ERICH1: variants seen among roughly 807,000 people sequenced by gnomAD.
The protein encoded by ERICH1 is glutamate-rich protein 1.
ERICH1 carries 56 observed loss-of-function variants against 39.6 expected under a neutral mutation model. That is an observed-to-expected ratio of 1.41 (90% CI 1.14 to 1.77). The LOEUF (loss-of-function observed/expected upper bound fraction) is 1.77, where lower values mean the gene tolerates loss of function less well. Among genes scored for constraint, ERICH1 ranks in the 40% most tolerant of loss-of-function variants. ERICH1 has a pLI of 0.00. For missense variants in ERICH1, 826 were observed against 575.4 expected (o/e 1.44, Z -4.45); for synonymous variants, 313 against 223.6 (o/e 1.40, Z -3.57).
chr8:678,094 A>AT (rs1206386543), intron 3 of ERICH1, among the ~76,000 whole-genome samples: 3 of 152,228 alleles, frequency 2.0e-5, no homozygotes, highest in Admixed American at 1.3e-4. Flanking sequence ...AGTTTGTCAT[A>AT]TTTTTTTCAC....
intron 1 of ERICH1, among the ~76,000 whole-genome samples, chr8:720,855 T>C (rs1426284786): frequency 6.6e-6 from 1 of 152,200 alleles, no homozygotes; most frequent in Non-Finnish European, 1.5e-5. Flanking sequence ...TCACCGTATC[T>C]GCTCCTTCGC....
intron 3 of ERICH1, among the ~76,000 whole-genome samples, chr8:680,680 G>C (rs1459558495): frequency 6.6e-6 from 1 of 152,216 alleles, no homozygotes; most frequent in Non-Finnish European, 1.5e-5. Flanking sequence ...AAATCCAAGA[G>C]AATCCACAGC....
intron 2 of ERICH1, among the ~76,000 whole-genome samples, chr8:697,071 G>A (rs139487430): frequency 2.2e-4 from 33 of 152,290 alleles, no homozygotes; most frequent in Admixed American, 3.3e-4. Flanking sequence ...GAGGCAGCTG[G>A]CCTTACCACT....
chr8:655,466 G>T (rs973356693), intron 3 of ERICH1, among the ~76,000 whole-genome samples: 1 of 152,180 alleles, frequency 6.6e-6, no homozygotes, highest in African/African-American at 2.4e-5. Context: ...TGTGCGTTTC[G>T]TGTTCTGGAC....
rs753644726 is a variant in ERICH1, at chr8:673,749, G to A, written c.603C>T (p.Gly201=). The A allele has an allele frequency of 1.1e-5, 18 of 1,613,998 alleles. No individual in the cohort carries two copies. The highest frequency in any genetic ancestry group is 5.5e-5 in the South Asian group (5 of 91,086). ...CATCCTCCTCACAAGCCTCTCCCAC[G>A]CCTTCCCCTTCATTGCTGCTGTCCT... is the stretch of plus-strand genomic sequence containing the variant. ...QPEDSSNEGE[G]VGEACEEDGV... is the part of the protein sequence containing the mutation. The change falls in exon 4 of 6, where the codon GGC becomes GGT. Residue 201 remains glycine, a synonymous_variant. Coordinates refer to ENST00000262109, the MANE Select transcript of ERICH1 (RefSeq NM_207332.3).
At chr8:707,313 C>T (rs1215067865) in intron 2 of ERICH1, among the ~76,000 whole-genome samples, 1 of 150,776 alleles carries the variant, frequency 6.6e-6, no homozygotes, top group East Asian at 2.0e-4. Flanking sequence ...GTTCAAGCGA[C>T]TCTACTGCGT....
At chr8:618,851 T>G (rs1206682752) in intron 3 of ERICH1, among the ~76,000 whole-genome samples, 3 of 151,798 alleles carry the variant, frequency 2.0e-5, no homozygotes, top group Non-Finnish European at 2.9e-5. Flanking sequence ...TGGAGATCAG[T>G]GGTGGAAATT....
chr8:677,830 C>G (rs1410911946), intron 3 of ERICH1, among the ~76,000 whole-genome samples: 1 of 152,116 alleles, frequency 6.6e-6, no homozygotes, highest in African/African-American at 2.4e-5. Context: ...GGGGGCGACC[C>G]TCATCACCCA....
At chr8:687,826 C>G (rs1471958653) in intron 3 of ERICH1, among the ~76,000 whole-genome samples, 2 of 152,130 alleles carry the variant, frequency 1.3e-5, no homozygotes, top group Non-Finnish European at 2.9e-5. Context: ...GGGCGAGGCG[C>G]GGAGAGGCCC....
In ERICH1 at chr8:650,249, G is replaced by A. The variant is rs948402001; in HGVS notation, c.976+18349C>T. 2.6e-5 allele frequency among the ~76,000 whole-genome samples: 4 copies of A among 152,202 alleles called. No individual in the cohort carries two copies. In the South Asian group the frequency reaches 8.3e-4, roughly 32 times the overall value. Reference sequence around the variant, plus strand: ...TGAGGACGCCGGCCTCCGCCAGGCCGAGTCAGCACTCTGTCCCCGGGGTCT... The same window carrying A: ...TGAGGACGCCGGCCTCCGCCAGGCCAAGTCAGCACTCTGTCCCCGGGGTCT... On this transcript the variant is annotated intron_variant, in intron 3 of 3. Transcript: ENST00000522706.
At chr8:638,796 A>C (rs11778883) in intron 3 of ERICH1, among the ~76,000 whole-genome samples, 73,458 of 151,646 alleles carry the variant, frequency 0.48, 18,005 homozygotes, top group African/African-American at 0.56. Context: ...GACCCAGAAG[A>C]CTCATTTTGA....
intron 2 of ERICH1, among the ~76,000 whole-genome samples, chr8:693,223 GACAC>G (rs775777728): frequency 2.0e-5 from 3 of 151,646 alleles, no homozygotes; most frequent in East Asian, 1.9e-4. Context: ...CATGTACAGA[GACAC>G]ACAGAGAGAT....
chr8:644,813 G>A (rs1429135827), intron 3 of ERICH1, among the ~76,000 whole-genome samples: 2 of 68,320 alleles, frequency 2.9e-5, no homozygotes, highest in African/African-American at 7.4e-5. Context: ...CCTGGGGTGA[G>A]TGGGACAAGG....
At chr8:722,035 T>C (rs1320260726) in intron 1 of ERICH1, among the ~76,000 whole-genome samples, 1 of 151,674 alleles carries the variant, frequency 6.6e-6, no homozygotes, top group Non-Finnish European at 1.5e-5. Flanking sequence ...ATGGCCCAAA[T>C]GAAAATGCCT....
At chr8:654,833 C>A (rs1336877762) in intron 3 of ERICH1, among the ~76,000 whole-genome samples, 2 of 152,090 alleles carry the variant, frequency 1.3e-5, no homozygotes, top group Non-Finnish European at 2.9e-5. Flanking sequence ...TGGGTTTGCC[C>A]CAGGAGAGGA....
At chr8:678,016 C>T (rs1192330493) in intron 3 of ERICH1, among the ~76,000 whole-genome samples, 1 of 152,040 alleles carries the variant, frequency 6.6e-6, no homozygotes, top group African/African-American at 2.4e-5. Flanking sequence ...CGCTATTGAT[C>T]TATTTTTATA....
At chr8:654,912 G>A (rs112983262) in intron 3 of ERICH1, among the ~76,000 whole-genome samples, 145 of 152,330 alleles carry the variant, frequency 9.5e-4, no homozygotes, top group Middle Eastern at 3.4e-3. Context: ...TGGAGACAGC[G>A]GGTCACAATG....
chr8:685,395 A>G (rs1311274928), intron 3 of ERICH1, among the ~76,000 whole-genome samples: 1 of 152,168 alleles, frequency 6.6e-6, no homozygotes, highest in South Asian at 2.1e-4. Flanking sequence ...GTTCAAACAC[A>G]CATGCTTTAC....
chr8:656,786 G>A, intron 3 of ERICH1: 2 of 985,442 alleles, frequency 2.0e-6, no homozygotes, highest in Non-Finnish European at 2.4e-6. Context: ...CACAGCAGTG[G>A]TTCCCAGACT....
Sources: gnomAD v4.1 joint callset for allele counts (sites outside exome capture counted in the v4.1 genomes callset) on GRCh38, gnomAD v4.1.1 for gene constraint, MANE v1.5 for transcripts, NCBI Gene and HGNC (gene_info 2026-07-23, HGNC 2026-07-21) for gene names.